PIK3R1: variants seen among roughly 807,000 people sequenced by gnomAD.
PIK3R1 encodes the protein phosphatidylinositol 3-kinase regulatory subunit alpha.
PIK3R1 carries 29 observed loss-of-function variants against 98.0 expected under a neutral mutation model. The ratio of observed to expected loss-of-function variants is 0.30; its 90% CI spans 0.22 to 0.40. PIK3R1 has a LOEUF of 0.40. Ranked by LOEUF, PIK3R1 falls within the 10% of genes least tolerant of loss-of-function variation. The probability of loss-of-function intolerance (pLI) is 1.00; values close to 1 mark genes in which losing one functional copy is unlikely to be tolerated. For synonymous variants in PIK3R1, 282 were observed against 311.8 expected, an observed-to-expected ratio of 0.90 and a Z score of 1.01; for missense variants, 596 against 872.7, an observed-to-expected ratio of 0.68 and a Z score of 3.99.
chr5:68,294,423 T>C, intron 11 of PIK3R1, 113 bp from the exon 12 acceptor site: 1 of 653,020 alleles, frequency 1.5e-6, no homozygotes, highest in Non-Finnish European at 2.4e-6. Context: ...ATGGATTTTA[T>C]GAATTTGAGT....
At chr5:68,254,572 C>T (rs1745439179) in intron 2 of PIK3R1, among the ~76,000 whole-genome samples, 2 of 152,144 alleles carry the variant, frequency 1.3e-5, no homozygotes, top group Non-Finnish European at 2.9e-5. Context: ...AAACAGTGAC[C>T]TCATGTCAAG....
In PIK3R1 at chr5:68,262,796, C is replaced by CATATATACAT. The variant is rs150097762; in HGVS notation, c.335-10594_335-10593insATATATACAT. On this transcript the variant is annotated intron_variant, in intron 2 of 15. Transcript: ENST00000521381. The stretch of plus-strand genomic sequence containing the variant: ...GTAGATGCATGTAGATACATGTATA[C>CATATATACAT]GTAGATACATGTATACATGTAGATA... Among the ~76,000 whole-genome samples the CATATATACAT allele has an allele frequency of 5.4e-4, 10 of 18,518 alleles. 2 individuals are homozygous for CATATATACAT. Among genetic ancestry groups the CATATATACAT allele is most frequent in the Admixed American group, 8.4e-4 (2 of 2,382 alleles). 12.1% of individuals were successfully genotyped at this position (18,518 alleles called of 152,430 possible).
intron 2 of PIK3R1, among the ~76,000 whole-genome samples, chr5:68,271,794 T>C (rs1256420468): frequency 7.4e-6 from 1 of 134,234 alleles, no homozygotes; most frequent in African/African-American, 3.5e-5. Context: ...GGTGGAAAGA[T>C]CATGCATCCA....
chr5:68,284,741 A>G (rs968346800), intron 7 of PIK3R1, among the ~76,000 whole-genome samples: 1 of 152,218 alleles, frequency 6.6e-6, no homozygotes, highest in Non-Finnish European at 1.5e-5. Context: ...AGCTCTTCCT[A>G]GCAGAGAACT....
intron 2 of PIK3R1, among the ~76,000 whole-genome samples, chr5:68,264,605 A>G (rs1746047573): frequency 6.6e-6 from 1 of 152,238 alleles, no homozygotes; most frequent in Non-Finnish European, 1.5e-5. Flanking sequence ...CTACATGGGA[A>G]TTAATCAGCA....
intron 2 of PIK3R1, among the ~76,000 whole-genome samples, chr5:68,262,403 TACACACACGCACACACACAC>T (rs1745797327): frequency 2.8e-5 from 4 of 140,612 alleles, no homozygotes; most frequent in South Asian, 2.2e-4. Context: ...TATATATATA[TACACACACGCACACACACAC>T]ATACACTACA....
At chr5:68,241,294 G>A (rs772120587) in intron 2 of PIK3R1, among the ~76,000 whole-genome samples, 1 of 151,526 alleles carries the variant, frequency 6.6e-6, no homozygotes, top group Non-Finnish European at 1.5e-5. Flanking sequence ...CCCAGTGCAT[G>A]TTCGATTAAT....
At chr5:68,218,946 T>C (rs766608375) in intron 1 of PIK3R1, among the ~76,000 whole-genome samples, 1 of 152,238 alleles carries the variant, frequency 6.6e-6, no homozygotes, top group Non-Finnish European at 1.5e-5. Flanking sequence ...TTTACTGCAT[T>C]TTCCCATGCC....
At chr5:68,236,806 C>T (rs1744686083) in intron 2 of PIK3R1, among the ~76,000 whole-genome samples, 1 of 152,078 alleles carries the variant, frequency 6.6e-6, no homozygotes, top group African/African-American at 2.4e-5. Flanking sequence ...TCATGCAACT[C>T]CAGAAATTTA....
At chr5:68,271,289 C>T (rs1473130596) in intron 2 of PIK3R1, among the ~76,000 whole-genome samples, 1 of 152,194 alleles carries the variant, frequency 6.6e-6, no homozygotes, top group Non-Finnish European at 1.5e-5. Flanking sequence ...AATGGCCAGT[C>T]GTTTGTGCTT....
intron 11 of PIK3R1, among the ~76,000 whole-genome samples, chr5:68,294,042 C>T (rs1747551696): frequency 6.6e-6 from 1 of 152,228 alleles, no homozygotes; most frequent in South Asian, 2.1e-4. Context: ...ATTAAGTTCA[C>T]GTGATAACTG....
chr5:68,247,203 A>AG (rs1467538684), intron 2 of PIK3R1, among the ~76,000 whole-genome samples: 1 of 152,164 alleles, frequency 6.6e-6, no homozygotes, highest in Non-Finnish European at 1.5e-5. Context: ...TGAGTAGAGG[A>AG]GGTATGCTGC....
intron 4 of PIK3R1, among the ~76,000 whole-genome samples, chr5:68,277,308 A>G (rs1414855180): frequency 6.6e-6 from 1 of 152,164 alleles, no homozygotes; most frequent in African/African-American, 2.4e-5. Context: ...ATTACCTTCA[A>G]CGTAGATCCT....
Position 68,260,773 on chromosome 5 carries a change from C to A in PIK3R1, c.335-12617C>A, listed in dbSNP as rs149767819. Among the ~76,000 whole-genome samples the A allele has an allele frequency of 5.3e-4, 80 of 152,296 alleles. 1 individual carries two copies. The East Asian group carries it at 0.013, about 26-fold the overall frequency. ...CAATTTCATGATCTTCTTCTCCCCG[C>A]AACCCCATGATTTATAGAAGCCAAA... On this transcript the variant is annotated intron_variant, in intron 2 of 15. Transcript: ENST00000521381.
intron 2 of PIK3R1, among the ~76,000 whole-genome samples, chr5:68,230,273 C>T (rs776023952): frequency 4.6e-5 from 7 of 152,234 alleles, no homozygotes; most frequent in Admixed American, 1.3e-4. Context: ...TTACTTATTA[C>T]GTTTATTGTT....
intron 2 of PIK3R1, among the ~76,000 whole-genome samples, chr5:68,259,732 T>C (rs1745662501): frequency 1.3e-5 from 2 of 152,346 alleles, no homozygotes; most frequent in South Asian, 4.1e-4. Context: ...GCCTGGCTCT[T>C]GGCAGTCAAT....
rs751812106 is a variant in PIK3R1 at position 68,226,966 on chromosome 5, T to C, written c.291T>C (p.Val97=). 21 of 1,613,470 alleles carry C rather than the reference T, an allele frequency of 1.3e-5. No homozygotes were observed. The East Asian group carries it at 4.0e-4, about 31-fold the overall frequency. ...PKPRPPRPLP[V]APGSSKTEAD... ...CCCGGCCACCTCGGCCTCTTCCTGT[T>C]GCACCAGGTTCTTCGAAAACTGAAG... Residue 97 remains valine, a synonymous_variant, in exon 2 of 16, where the codon GTT becomes GTC. Transcript: ENST00000521381.
intron 2 of PIK3R1, among the ~76,000 whole-genome samples, chr5:68,248,684 A>C (rs1745192519): frequency 6.6e-6 from 1 of 152,192 alleles, no homozygotes; most frequent in Non-Finnish European, 1.5e-5. Context: ...TTTATCCACC[A>C]CTGGGAACTA....
chr5:68,279,990 T>C (rs982516235), intron 5 of PIK3R1, among the ~76,000 whole-genome samples: 3 of 152,214 alleles, frequency 2.0e-5, no homozygotes, highest in African/African-American at 7.2e-5. Context: ...TAACAAAGTT[T>C]GTACGTCAAT....
Sources: allele counts gnomAD v4.1 joint callset (sites outside exome capture counted in the v4.1 genomes callset), GRCh38; gene constraint gnomAD v4.1.1; transcripts MANE v1.5; gene names NCBI Gene and HGNC (gene_info 2026-07-23, HGNC 2026-07-21).